Variants in ZNF674 observed in about 807,000 individuals in gnomAD.
ZNF674 encodes zinc finger protein 674.
Under a neutral mutation model 7.0 loss-of-function variants are expected in ZNF674, and 2 were observed. The ratio of observed to expected loss-of-function variants is 0.29; its 90% CI spans 0.12 to 0.90. The LOEUF (loss-of-function observed/expected upper bound fraction) is 0.90. Ranked by LOEUF, ZNF674 falls within the 40% of genes least tolerant of loss-of-function variation. ZNF674 has a pLI of 0.57. For synonymous variants in ZNF674, 103 were observed against 145.2 expected (o/e 0.71, Z 2.09); for missense variants, 297 against 415.5 (o/e 0.71, Z 2.48).
chrX:46,528,179 G>A (rs940384702), intron 5 of ZNF674, 171 bp downstream of exon 5: 8 of 531,898 alleles, frequency 1.5e-5, no homozygotes, highest in Admixed American at 2.7e-5. Context: ...TGTAACCGGC[G>A]GCCAGGCAGA....
At chrX:46,524,555 G>C (rs754198209) in intron 5 of ZNF674, among the ~76,000 whole-genome samples, 10 of 109,930 alleles carry the variant, frequency 9.1e-5, no homozygotes, top group Non-Finnish European at 1.5e-4. Flanking sequence ...AATTAGCCAG[G>C]CATGGTGGCA....
At chrX:46,535,077 A>G (rs1452688537) in intron 3 of ZNF674, among the ~76,000 whole-genome samples, 4 of 112,349 alleles carry the variant, frequency 3.6e-5, no homozygotes, top group Non-Finnish European at 7.5e-5. Context: ...CAAATTCAGA[A>G]GACATACAGT....
At position 46,500,500 on chromosome X, in the gene ZNF674, C is replaced by G. The variant is rs751648956; in HGVS notation, c.1074G>C (p.Gly358=). Residue 358 remains glycine (G), a synonymous_variant, in exon 6 of 6, where the codon GGG becomes GGC. Coordinates refer to ENST00000683375, the MANE Select transcript of ZNF674 (RefSeq NM_001190417.2). ...TSEKPQCSEH[G]KASDEKPSPT... Reference sequence around the variant, plus strand: ...GACTGGGCTTCTCATCAGAGGCTTTCCCATGTTCACTGCACTGAGGTTTCT... The same window carrying G: ...GACTGGGCTTCTCATCAGAGGCTTTGCCATGTTCACTGCACTGAGGTTTCT... 4 of 1,211,703 alleles carry G rather than the reference C, an allele frequency of 3.3e-6. No homozygotes were observed. Among genetic ancestry groups the G allele is most frequent in the Non-Finnish European group, 4.5e-6 (4 of 895,283 alleles).
chrX:46,528,328 G>A, intron 5 of ZNF674, 22 bp downstream of exon 5: 1 of 1,208,964 alleles, frequency 8.3e-7, no homozygotes, highest in Non-Finnish European at 1.1e-6. Context: ...TCCCTGGCCT[G>A]ACTCACCTGG....
intron 5 of ZNF674, among the ~76,000 whole-genome samples, chrX:46,527,535 T>A (rs1158579174): frequency 9.0e-6 from 1 of 111,728 alleles, no homozygotes; most frequent in African/African-American, 3.2e-5. Context: ...AAAAGTGGTA[T>A]AGCCATGTTG....
rs1333203529 is a variant in ZNF674, at chrX:46,500,088, C to A, written c.1486G>T (p.Asp496Tyr). 1 of 1,211,489 alleles carries A rather than the reference C, an allele frequency of 8.3e-7. No homozygotes were observed. Among genetic ancestry groups the A allele is most frequent in the Non-Finnish European group, 1.1e-6 (1 of 895,381 alleles). The change falls in exon 6 of 6, where the codon GAC becomes TAC. Residue 496 changes from aspartate to tyrosine, a missense_variant. Coordinates refer to ENST00000683375, the MANE Select transcript of ZNF674 (RefSeq NM_001190417.2). Reference protein sequence around the residue: ...HTGERPYECTDCKKAFSRKST... With the variant: ...HTGERPYECTYCKKAFSRKST... ...TTCCTACTGAAGGCTTTTTTACAGT[C>A]AGTGCATTCATAGGGTCTCTCTCCT...
chrX:46,540,192 C>T (rs1465962885), intron 3 of ZNF674, among the ~76,000 whole-genome samples: 4 of 109,034 alleles, frequency 3.7e-5, no homozygotes, highest in African/African-American at 1.3e-4. Context: ...CGCAGTGAGC[C>T]GAGATTTTGC....
intron 3 of ZNF674, among the ~76,000 whole-genome samples, chrX:46,541,862 C>A (rs1250763708): frequency 8.9e-6 from 1 of 111,945 alleles, no homozygotes; most frequent in Non-Finnish European, 1.9e-5. Context: ...AGATGAGGTA[C>A]AGTTTCTGGA....
chrX:46,499,722 G>T lies in ZNF674; in HGVS notation c.*121C>A. ...AGTTAAATGAACATTAACATATGAA[G>T]AATTTCCAATATTCTGGACATTTAT... On this transcript the variant is annotated 3_prime_UTR_variant, in exon 6 of 6. Coordinates refer to ENST00000683375, the MANE Select transcript of ZNF674 (RefSeq NM_001190417.2). The T allele has an allele frequency of 1.8e-6, 1 of 543,386 alleles. No homozygotes were observed. The allele number at this position is 543,386 out of a possible 1,213,427, so 44.8% of individuals were successfully genotyped here. A position where few individuals can be genotyped will look rare whatever the true frequency, so the allele number is the denominator to read the frequency against.
intron 3 of ZNF674, among the ~76,000 whole-genome samples, chrX:46,538,320 C>T (rs1942236074): frequency 9.0e-6 from 1 of 111,140 alleles, no homozygotes; most frequent in Non-Finnish European, 1.9e-5. Context: ...TCACAGAATC[C>T]TATATAAGCA....
chrX:46,521,911 T>A (rs1323349233), intron 5 of ZNF674, among the ~76,000 whole-genome samples: 1 of 105,878 alleles, frequency 9.4e-6, no homozygotes, highest in Non-Finnish European at 1.9e-5. Context: ...AAGAATAGAA[T>A]AGAATAGAAA....
At chrX:46,519,957 C>A (rs1469699928) in intron 5 of ZNF674, among the ~76,000 whole-genome samples, 2 of 112,126 alleles carry the variant, frequency 1.8e-5, no homozygotes, top group Non-Finnish European at 3.8e-5. Flanking sequence ...GAGGATTATG[C>A]TGAGTGAAAA....
intron 5 of ZNF674, chrX:46,525,378 A>G (rs1298250952): frequency 4.4e-6 from 1 of 228,126 alleles, no homozygotes; most frequent in Non-Finnish European, 8.2e-6. Context: ...CGAGGCAGGC[A>G]GATCACCTGA....
At chrX:46,501,390 A>G in intron 5 of ZNF674, 55 bp from the exon 6 acceptor site, 1 of 1,116,579 alleles carries the variant, frequency 9.0e-7, no homozygotes, top group Non-Finnish European at 1.2e-6. Context: ...AATTTATGAA[A>G]TAACTAATCC....
At chrX:46,508,373 A>C (rs1941580441) in intron 5 of ZNF674, among the ~76,000 whole-genome samples, 2 of 112,128 alleles carry the variant, frequency 1.8e-5, no homozygotes, top group African/African-American at 6.5e-5. Context: ...TAAGAGAAGA[A>C]AGTACAAAAA....
intron 2 of ZNF674, among the ~76,000 whole-genome samples, chrX:46,543,081 G>A (rs1367677864): frequency 9.0e-6 from 1 of 111,027 alleles, no homozygotes; most frequent in African/African-American, 3.3e-5. Flanking sequence ...ATCCCAAGTA[G>A]CTGGAATTAT....
intron 3 of ZNF674, among the ~76,000 whole-genome samples, chrX:46,535,321 A>G (rs1039929221): frequency 1.4e-4 from 15 of 109,190 alleles, no homozygotes; most frequent in Non-Finnish European, 2.3e-4. Flanking sequence ...TAATTTTTGT[A>G]TTTTTTGTAG....
At chrX:46,512,449 C>T (rs1469989075) in intron 5 of ZNF674, among the ~76,000 whole-genome samples, 2 of 108,640 alleles carry the variant, frequency 1.8e-5, no homozygotes, top group African/African-American at 6.7e-5. Context: ...CTCAGCCCCC[C>T]AAAAAAAATA....
intron 5 of ZNF674, among the ~76,000 whole-genome samples, chrX:46,505,768 TCACACACACACA>T (rs56158505): frequency 1.0e-5 from 1 of 100,227 alleles, no homozygotes; most frequent in Non-Finnish European, 2.0e-5. Context: ...CAAAACTCTG[TCACACACACACA>T]CACACACACA....
Sources: allele counts gnomAD v4.1 joint callset (sites outside exome capture counted in the v4.1 genomes callset), GRCh38; gene constraint gnomAD v4.1.1; transcripts MANE v1.5; gene names NCBI Gene and HGNC (gene_info 2026-07-23, HGNC 2026-07-21).